U2AF1L4: variants seen among roughly 807,000 people sequenced by gnomAD.
U2AF1L4 encodes the protein splicing factor U2AF 26 kDa subunit.
A neutral mutation model predicts 21.7 loss-of-function variants in U2AF1L4; 21 were observed. That is an observed-to-expected ratio of 0.97 (90% CI 0.69 to 1.39). The LOEUF is 1.39. Ranked by LOEUF, U2AF1L4 falls within the 40% of genes most tolerant of loss-of-function variation. The probability of loss-of-function intolerance (pLI) is 0.00; values close to 1 mark genes in which losing one functional copy is unlikely to be tolerated. For missense variants in U2AF1L4, 259 were observed against 245.7 expected (o/e 1.05, Z -0.36); for synonymous variants, 92 against 89.7 (o/e 1.03, Z -0.15).
chr19:35,744,617 C>T (rs773775667), intron 2 of U2AF1L4, 196 bp from the exon 3 acceptor site: 2 of 1,537,168 alleles, frequency 1.3e-6, no homozygotes, highest in South Asian at 2.4e-5. Flanking sequence ...GGCCTGGTCC[C>T]TTACTCACAG....
At chr19:35,743,129 T>A (rs1466464664) in intron 5 of U2AF1L4, 1 of 368,330 alleles carries the variant, frequency 2.7e-6, no homozygotes, top group Admixed American at 4.8e-5. Context: ...TCCCCACACT[T>A]TGGGAGGCCG....
chr19:35,744,951 G>A (rs1250664752), intron 2 of U2AF1L4, 174 bp downstream of exon 2: 13 of 761,510 alleles, frequency 1.7e-5, no homozygotes, highest in African/African-American at 3.5e-5. Context: ...CAAGTTCCCG[G>A]GAAAACGGCA....
rs1970529535 is a variant in U2AF1L4, at chr19:35,745,364, CGAATATCGAAGCT to C, written c.15_27del (p.Ala6GlyfsTer51). 22 of 1,613,806 alleles carry C rather than the reference CGAATATCGAAGCT, an allele frequency of 1.4e-5. No homozygotes were observed. Among genetic ancestry groups the C allele is most frequent in the Non-Finnish European group, 1.9e-5 (22 of 1,179,860 alleles). On this transcript the variant is annotated frameshift_variant, in exon 1 of 6. Transcript: ENST00000378975. LOFTEE classifies it high-confidence loss of function. ...CGTTCTCACTTGTCCTTCTCAGTCC[CGAATATCGAAGCT>C]AAATATTCAGCCATTTTTACCCAAG... is the stretch of plus-strand genomic sequence containing the variant.
chr19:35,744,089 G>T lies in U2AF1L4; in HGVS notation c.288C>A (p.Phe96Leu). 6.2e-7 allele frequency: 1 copy of T among 1,614,000 alleles called. No homozygotes were observed. Among genetic ancestry groups the T allele is most frequent in the Non-Finnish European group, 8.5e-7 (1 of 1,180,020 alleles). ...GCTCACCGTGCACAGCCTGCCCGTT[G>T]AACCAGCGGTTACTGAGTTCAGCCA... ...RAVAELSNRWFNGQAVHGELS... is the reference protein window; with the variant it reads ...RAVAELSNRWLNGQAVHGELS... Residue 96 changes from phenylalanine (F) to leucine (L), a missense_variant, in exon 4 of 6, where the codon TTC becomes TTA. Coordinates refer to ENST00000378975, the MANE Select transcript of U2AF1L4 (RefSeq NM_001040425.3).
Position 35,744,820 on chromosome 19 carries a change from C to T in U2AF1L4, c.132+305G>A, listed in dbSNP as rs113795255. 8 of 1,123,714 alleles carry T rather than the reference C, an allele frequency of 7.1e-6. No homozygotes were observed. The African/African-American group carries it at 7.7e-5, about 11-fold the overall frequency. 69.6% of individuals were successfully genotyped at this position (1,123,714 alleles called of 1,614,324 possible). A position where few individuals can be genotyped will look rare whatever the true frequency, so the allele number is the denominator to read the frequency against. Reference sequence around the variant, plus strand: ...TAAGCATCATGAGTGCATCGGCGATCCTTTGCCCCTAAGAAACCAGAAAAG... The same window carrying T: ...TAAGCATCATGAGTGCATCGGCGATTCTTTGCCCCTAAGAAACCAGAAAAG... On this transcript the variant is annotated intron_variant, in intron 2 of 5. Transcript: ENST00000378975.
intron 2 of U2AF1L4, chr19:35,744,802 C>A (rs1401484639): frequency 7.8e-7 from 1 of 1,280,774 alleles, no homozygotes; most frequent in Non-Finnish European, 1.1e-6. Context: ...GCCTAAGCAT[C>A]ATGAGTGCAT....
chr19:35,745,245 G>C, intron 1 of U2AF1L4, 33 bp from the exon 2 acceptor site: 1 of 1,610,610 alleles, frequency 6.2e-7, no homozygotes. Flanking sequence ...GGTGAACCGA[G>C]GGCCGGGGAA....
rs749722880 is a variant in U2AF1L4, at chr19:35,745,194, G to T, written c.63C>A (p.Tyr21Ter). Reference sequence around the variant, plus strand: ...CGTGCCGGCAGACCCCGATCTTAAAGTAAAAAGAGCAGTTAACCCTGGAAA... The same window carrying T: ...CGTGCCGGCAGACCCCGATCTTAAATTAAAAAGAGCAGTTAACCCTGGAAA... Reference protein sequence around the residue: ...TEKDKVNCSFYFKIGVCRHGD... With the variant: ...TEKDKVNCSF The change falls in exon 2 of 6, where the codon TAC becomes TAA. Residue 21 changes from tyrosine (Y) to a stop codon, truncating the protein, a stop_gained. Coordinates refer to ENST00000378975, the MANE Select transcript of U2AF1L4 (RefSeq NM_001040425.3). LOFTEE classifies it high-confidence loss of function. The T allele has an allele frequency of 1.9e-6, 3 of 1,613,752 alleles. No homozygotes were observed. The highest frequency in any genetic ancestry group is 2.5e-6 in the Non-Finnish European group (3 of 1,180,008).
At chr19:35,744,828 C>A (rs1168971865) in intron 2 of U2AF1L4, 2 of 1,063,456 alleles carry the variant, frequency 1.9e-6, no homozygotes, top group East Asian at 5.2e-5. Flanking sequence ...ATCCTTTGCC[C>A]CTAAGAAACC....
At position 35,742,768 on chromosome 19, in the gene U2AF1L4, C is replaced by T. The variant is rs368109474; in HGVS notation, c.497G>A (p.Arg166Gln). 15 of 1,610,192 alleles carry T rather than the reference C, an allele frequency of 9.3e-6. No individual in the cohort carries two copies. Among genetic ancestry groups the T allele is most frequent in the East Asian group, 2.2e-5 (1 of 44,878 alleles). Reference sequence around the variant, plus strand: ...AGGGGAACACCGATGGTTCCTCTCTCGGGGATGGTGGCCAGTATGGAACCT... The same window carrying T: ...AGGGGAACACCGATGGTTCCTCTCTTGGGGATGGTGGCCAGTATGGAACCT... Reference protein sequence around the residue: ...PPRFHTGHHPRERNHRCSPDH... With the variant: ...PPRFHTGHHPQERNHRCSPDH... The change falls in exon 6 of 6, where the codon CGA becomes CAA. Residue 166 changes from arginine to glutamine, a missense_variant. Physicochemically the swap from Arg to Gln is conservative, Grantham distance 43. Coordinates refer to ENST00000378975, the MANE Select transcript of U2AF1L4 (RefSeq NM_001040425.3).
chr19:35,744,719 C>T lies in U2AF1L4; in HGVS notation c.133-298G>A, dbSNP rs751060158. 3.8e-5 allele frequency: 59 copies of T among 1,535,826 alleles called. 1 individual carries two copies. In the South Asian group the frequency reaches 6.7e-4, roughly 17 times the overall value. ...TGCACAGAATTTAAAAGGGGCGGGG[C>T]CTGAGCTCAGAGGGCAGGGCTGCAT... On this transcript the variant is annotated intron_variant, in intron 2 of 5. Transcript: ENST00000378975.
At chr19:35,742,862 G>T in intron 5 of U2AF1L4, 59 bp from the exon 6 acceptor site, 1 of 1,491,474 alleles carries the variant, frequency 6.7e-7, no homozygotes, top group Non-Finnish European at 9.2e-7. Context: ...CAGAGATCCT[G>T]CAGGCCTGCC....
In U2AF1L4 at chr19:35,742,535, G is replaced by C. The variant is rs778476545; in HGVS notation, c.*184C>G. On this transcript the variant is annotated 3_prime_UTR_variant, in exon 6 of 6. Transcript: ENST00000378975. ...ACCACAGCAAAAGCAAGTTGATGCCGAAGTGAAACACGCAGCTTTATTAAG... is the reference window on the plus strand; with the variant it reads ...ACCACAGCAAAAGCAAGTTGATGCCCAAGTGAAACACGCAGCTTTATTAAG... 1 of 1,610,148 alleles carries C rather than the reference G, an allele frequency of 6.2e-7. No individual in the cohort carries two copies. The highest frequency in any genetic ancestry group is 1.7e-5 in the Admixed American group (1 of 59,100).
chr19:35,742,745 G>T lies in U2AF1L4; in HGVS notation c.520C>A (p.Pro174Thr). Residue 174 changes from proline to threonine, a missense_variant, in exon 6 of 6, where the codon CCT becomes ACT. Physicochemically the swap from Pro to Thr is conservative, Grantham distance 38. Coordinates refer to ENST00000378975, the MANE Select transcript of U2AF1L4 (RefSeq NM_001040425.3). ...CAGAAGCGGCCATGCCAGTGATCAG[G>T]GGAACACCGATGGTTCCTCTCTCGG... ...HPRERNHRCS[P>T]DHWHGRF The T allele has an allele frequency of 6.2e-7, 1 of 1,611,120 alleles. No homozygotes were observed. Among genetic ancestry groups the T allele is most frequent in the Non-Finnish European group, 8.5e-7 (1 of 1,179,394 alleles).
At position 35,743,912 on chromosome 19, in the gene U2AF1L4, G is replaced by C. The variant is rs771881883; in HGVS notation, c.366-8C>G. The C allele has an allele frequency of 6.2e-7, 1 of 1,611,270 alleles. No individual in the cohort carries two copies. Among genetic ancestry groups the C allele is most frequent in the Admixed American group, 1.7e-5 (1 of 59,876 alleles). ...CCACCTCGGGTACATTCCCTGCATA[G>C]AGGGTAGAGAGATGGAGGAAGCCAT... On this transcript the variant is annotated splice_polypyrimidine_tract_variant and splice_region_variant and intron_variant, in intron 4 of 5. Coordinates refer to ENST00000378975, the MANE Select transcript of U2AF1L4 (RefSeq NM_001040425.3).
intron 5 of U2AF1L4, chr19:35,743,583 G>A (rs1023246219): frequency 5.4e-6 from 3 of 555,880 alleles, no homozygotes; most frequent in South Asian, 2.0e-5. Flanking sequence ...AGCTATTTGG[G>A]AGGCTGAGGC....
At chr19:35,743,072 G>T in intron 5 of U2AF1L4, 1 of 536,076 alleles carries the variant, frequency 1.9e-6, no homozygotes. Flanking sequence ...TACTCTTAGG[G>T]TATAAGAGTC....
At position 35,743,796 on chromosome 19, in the gene U2AF1L4, G is replaced by C; in HGVS notation, c.461+13C>G. ...AGGACATGAGGAGACATAGCAGGCT[G>C]GTCCTGAGGTACCTGCGCCTGGGTC... is the stretch of plus-strand genomic sequence containing the variant. On this transcript the variant is annotated intron_variant, in intron 5 of 5. Transcript: ENST00000378975. The C allele has an allele frequency of 6.2e-7, 1 of 1,602,924 alleles. No individual in the cohort carries two copies. The highest frequency in any genetic ancestry group is 8.5e-7 in the Non-Finnish European group (1 of 1,174,562).
chr19:35,744,222 AC>A, intron 3 of U2AF1L4, 77 bp from the exon 4 acceptor site: 2 of 1,605,562 alleles, frequency 1.2e-6, no homozygotes, highest in Non-Finnish European at 1.7e-6. Flanking sequence ...CTGGGGCTGG[AC>A]TGGATTTAGT....
Sources: allele counts gnomAD v4.1 joint callset, GRCh38; gene constraint gnomAD v4.1.1; transcripts MANE v1.5; gene names NCBI Gene and HGNC (gene_info 2026-07-23, HGNC 2026-07-21).